The following TKFC variants were observed in gnomAD, a reference collection of about 807,000 sequenced individuals.
TKFC encodes triokinase/FMN cyclase.
Under a neutral mutation model 61.0 loss-of-function variants are expected in TKFC, and 46 were observed. The observed-to-expected ratio is 0.75, with a 90% confidence interval of 0.60 to 0.96. The LOEUF (loss-of-function observed/expected upper bound fraction) is 0.96, where lower values mean the gene tolerates loss of function less well. Ranked by LOEUF, TKFC falls within the 50% of genes least tolerant of loss-of-function variation. TKFC has a pLI of 0.00. For missense variants in TKFC, 715 were observed against 777.5 expected (o/e 0.92, Z 0.96); for synonymous variants, 314 against 330.1 (o/e 0.95, Z 0.53).
In TKFC at chr11:61,346,867, A is replaced by C; in HGVS notation, c.*364A>C. Reference sequence around the variant, plus strand: ...CCTGTGAAATGCTTTCCGCACCTTAACCCCAGTGAGCGTGAAAAAGAAAGT... The same window carrying C: ...CCTGTGAAATGCTTTCCGCACCTTACCCCCAGTGAGCGTGAAAAAGAAAGT... On this transcript the variant is annotated 3_prime_UTR_variant, in exon 18 of 18. Transcript: ENST00000394900. The surrounding 1 kb of genome is among the most constrained non-coding windows in gnomAD (Gnocchi z 4.1). 9.7e-7 allele frequency: 1 copy of C among 1,028,132 alleles called. No homozygotes were observed. Among genetic ancestry groups the C allele is most frequent in the Non-Finnish European group, 1.2e-6 (1 of 857,902 alleles). The allele number at this position is 1,028,132 out of a possible 1,614,324, so 63.7% of individuals were successfully genotyped here.
At chr11:61,342,002 C>T in intron 7 of TKFC, 90 bp downstream of exon 7, 2 of 1,266,720 alleles carry the variant, frequency 1.6e-6, no homozygotes, top group Non-Finnish European at 2.2e-6. Context: ...TCAACCTGGT[C>T]CTCTCCCCAG....
Position 61,347,171 on chromosome 11 carries a change from C to T in TKFC, c.*668C>T. The T allele has an allele frequency of 1.3e-5, 13 of 985,424 alleles. No homozygotes were observed. The highest frequency in any genetic ancestry group is 1.6e-5 in the Non-Finnish European group (13 of 829,956). 61.0% of individuals were successfully genotyped at this position (985,424 alleles called of 1,614,324 possible). A position where few individuals can be genotyped will look rare whatever the true frequency, so the allele number is the denominator to read the frequency against. ...GCATTGAATTAATAATTCAGTGGCT[C>T]CTCGGGAGTCGAATGGGCATTTGGG... On this transcript the variant is annotated 3_prime_UTR_variant, in exon 18 of 18. Coordinates refer to ENST00000394900, the MANE Select transcript of TKFC (RefSeq NM_015533.4).
Position 61,346,167 on chromosome 11 carries a change from C to A in TKFC, c.1576-184C>A, listed in dbSNP as rs1287013498. On this transcript the variant is annotated intron_variant, in intron 17 of 17. Coordinates refer to ENST00000394900, the MANE Select transcript of TKFC (RefSeq NM_015533.4). The surrounding 1 kb of genome is among the most constrained non-coding windows in gnomAD (Gnocchi z 4.1). ...GTGACAGGGCCTCAGTGAATGGTGA[C>A]CCTTTTCCCTGCTGGAAGTAGATGA... 7.1e-7 allele frequency: 1 copy of A among 1,416,542 alleles called. No individual in the cohort carries two copies. Among genetic ancestry groups the A allele is most frequent in the Non-Finnish European group, 9.4e-7 (1 of 1,063,868 alleles). 87.7% of individuals were successfully genotyped at this position (1,416,542 alleles called of 1,614,324 possible).
At chr11:61,337,477 G>T (rs1287453617) in intron 2 of TKFC, among the ~76,000 whole-genome samples, 1 of 152,182 alleles carries the variant, frequency 6.6e-6, no homozygotes, top group African/African-American at 2.4e-5. Context: ...CTAGTGCTGG[G>T]CCTGGCATAC....
At chr11:61,350,387 C>T (rs566500967), downstream of TKFC, 1 of 1,608,404 alleles carries the variant, frequency 6.2e-7, no homozygotes, top group South Asian at 1.1e-5. Flanking sequence ...TTGGGAGCCC[C>T]TTCCTGCTGC....
chr11:61,341,349 C>A, intron 5 of TKFC, 87 bp from the exon 6 acceptor site: 2 of 1,463,070 alleles, frequency 1.4e-6, no homozygotes, highest in Non-Finnish European at 1.9e-6. Context: ...CCCTTCCCAA[C>A]AAGAAATTCA....
At chr11:61,350,307 T>G, downstream of TKFC, 11 of 1,526,680 alleles carry the variant, frequency 7.2e-6, 1 homozygote, top group South Asian at 1.2e-4. Flanking sequence ...AGTCGCCTGC[T>G]GAAACCAGCC....
downstream of TKFC, chr11:61,350,391 C>G (rs905967913): frequency 6.2e-7 from 1 of 1,609,102 alleles, no homozygotes; most frequent in African/African-American, 1.3e-5. Flanking sequence ...GAGCCCCTTC[C>G]TGCTGCTTCA....
Position 61,334,726 on chromosome 11 carries a change from A to G in TKFC, c.-3A>G. 3 of 1,613,976 alleles carry G rather than the reference A, an allele frequency of 1.9e-6. No individual in the cohort carries two copies. The highest frequency in any genetic ancestry group is 1.1e-5 in the South Asian group (1 of 91,068). ...ACTCAGCCTGTTTCAGAGCCTCCACACCATGGTGAGTCATACAGGGCCGGG... is the reference window on the plus strand; with the variant it reads ...ACTCAGCCTGTTTCAGAGCCTCCACGCCATGGTGAGTCATACAGGGCCGGG... On this transcript the variant is annotated 5_prime_UTR_variant, in exon 2 of 18. Coordinates refer to ENST00000394900, the MANE Select transcript of TKFC (RefSeq NM_015533.4).
rs1590719635 is a variant in TKFC at position 61,337,926 on chromosome 11, A to G, written c.4-15A>G. ...CTGACCACATTCTGACCTCCTTCTCACTCCTCCCTTGCAGACCTCCAAGAA... is the reference window on the plus strand; with the variant it reads ...CTGACCACATTCTGACCTCCTTCTCGCTCCTCCCTTGCAGACCTCCAAGAA... On this transcript the variant is annotated splice_polypyrimidine_tract_variant and intron_variant, in intron 2 of 17. Transcript: ENST00000394900. 1 of 1,589,608 alleles carries G rather than the reference A, an allele frequency of 6.3e-7. No homozygotes were observed. The highest frequency in any genetic ancestry group is 1.4e-5 in the African/African-American group (1 of 73,266).
intron 2 of TKFC, among the ~76,000 whole-genome samples, chr11:61,337,065 T>C (rs1423249509): frequency 1.3e-5 from 2 of 152,170 alleles, no homozygotes; most frequent in Non-Finnish European, 2.9e-5. Context: ...ATGGTGCACG[T>C]GCGCTCCTCG....
At chr11:61,349,739 C>T (rs1857309136), downstream of TKFC, 1 of 673,382 alleles carries the variant, frequency 1.5e-6, no homozygotes, top group Non-Finnish European at 2.7e-6. Context: ...TCAGCAGAAG[C>T]TGCGTGGGCC....
Position 61,343,837 on chromosome 11 carries a change from GT to G in TKFC, c.983-17del. ...TGGCTGGACAGCCGTGTCTAAGAGA[GT>G]TATCTTGCTGCCCTTAGATGCTGAA... is the stretch of plus-strand genomic sequence containing the variant. On this transcript the variant is annotated intron_variant, in intron 11 of 17. Transcript: ENST00000394900. 1 of 1,604,126 alleles carries G rather than the reference GT, an allele frequency of 6.2e-7. No homozygotes were observed.
downstream of TKFC, chr11:61,349,931 C>A: frequency 2.0e-6 from 1 of 495,102 alleles, no homozygotes; most frequent in South Asian, 2.2e-5. Context: ...GTGGACTGCA[C>A]TTGAGTCCCA....
intron 7 of TKFC, 93 bp downstream of exon 7, chr11:61,342,005 C>G (rs1856876585): frequency 4.1e-6 from 5 of 1,233,608 alleles, no homozygotes; most frequent in Non-Finnish European, 5.7e-6. Flanking sequence ...ACCTGGTCCT[C>G]TCCCCAGGTG....
intron 7 of TKFC, 152 bp downstream of exon 7, chr11:61,342,064 G>A: frequency 1.3e-6 from 1 of 752,342 alleles, no homozygotes; most frequent in South Asian, 1.8e-5. Flanking sequence ...GGGCCAACCT[G>A]CCTGATTTCT....
chr11:61,341,457 G>C lies in TKFC; in HGVS notation c.508G>C (p.Ala170Pro). ...IHKVAGALAE[A>P]GVGLEEIAKQ... Reference sequence around the variant, plus strand: ...GCAGGTGGCAGGTGCTCTGGCTGAGGCTGGTGTGGGGCTGGAGGAGATCGC... The same window carrying C: ...GCAGGTGGCAGGTGCTCTGGCTGAGCCTGGTGTGGGGCTGGAGGAGATCGC... The change falls in exon 6 of 18, where the codon GCT (alanine) becomes CCT (proline). Residue 170 changes from alanine to proline, a missense_variant. By Grantham distance (27) the Ala-to-Pro change is conservative. Transcript: ENST00000394900. 3 of 1,554,748 alleles carry C rather than the reference G, an allele frequency of 1.9e-6. 1 individual carries two copies. The highest frequency in any genetic ancestry group is 2.6e-6 in the Non-Finnish European group (3 of 1,148,476).
chr11:61,349,259 G>C, downstream of TKFC: 1 of 404,010 alleles, frequency 2.5e-6, no homozygotes, highest in South Asian at 2.5e-5. Flanking sequence ...GGCCAGGCAA[G>C]CAGCCATGGT....
In TKFC at chr11:61,341,830, G is replaced by T; in HGVS notation, c.573G>T (p.Leu191=). 6.2e-7 allele frequency: 1 copy of T among 1,613,852 alleles called. No individual in the cohort carries two copies. Among genetic ancestry groups the T allele is most frequent in the African/African-American group, 1.3e-5 (1 of 74,996 alleles). The change falls in exon 7 of 18, where the codon CTG becomes CTT. Residue 191 remains leucine, a synonymous_variant. Coordinates refer to ENST00000394900, the MANE Select transcript of TKFC (RefSeq NM_015533.4). The part of the protein sequence containing the change: ...VNVVAKAMGT[L]GVSLSSCSVP... Reference sequence around the variant, plus strand: ...ATGCCTTGTTTCTCATAGGTACCCTGGGGGTGAGCTTATCCTCCTGCAGCG... The same window carrying T: ...ATGCCTTGTTTCTCATAGGTACCCTTGGGGTGAGCTTATCCTCCTGCAGCG...
Sources: allele counts gnomAD v4.1 joint callset (sites outside exome capture counted in the v4.1 genomes callset), GRCh38; gene constraint gnomAD v4.1.1; non-coding constraint Gnocchi (gnomAD v3.1); transcripts MANE v1.5; gene names NCBI Gene and HGNC (gene_info 2026-07-23, HGNC 2026-07-21).